The following UBE2Q2 variants were observed in gnomAD, a reference collection of about 807,000 sequenced individuals.
UBE2Q2 encodes ubiquitin-conjugating enzyme E2 Q2.
In UBE2Q2, 54 loss-of-function variants were observed where a neutral mutation model predicts 59.9. That is an observed-to-expected ratio of 0.90 (90% CI 0.72 to 1.13). UBE2Q2 has a LOEUF of 1.13. Ranked by LOEUF, UBE2Q2 falls within the 50% of genes most tolerant of loss-of-function variation. UBE2Q2 has a pLI of 0.00. For synonymous variants in UBE2Q2, 165 were observed against 155.2 expected, an observed-to-expected ratio of 1.06 and a Z score of -0.47; for missense variants, 433 against 441.9, an observed-to-expected ratio of 0.98 and a Z score of 0.18.
At chr15:75,859,815 CAT>C in intron 2 of UBE2Q2, 61 bp from the exon 3 acceptor site, 2 of 1,195,046 alleles carry the variant, frequency 1.7e-6, no homozygotes, top group South Asian at 3.2e-5. Flanking sequence ...GTAGTCATAA[CAT>C]TATTGATGTC....
At chr15:75,854,163 A>G (rs1412361593) in intron 1 of UBE2Q2, among the ~76,000 whole-genome samples, 1 of 152,200 alleles carries the variant, frequency 6.6e-6, no homozygotes, top group Non-Finnish European at 1.5e-5. Context: ...CCAGTGTTGA[A>G]GAAAATCATT....
At position 75,849,776 on chromosome 15, in the gene UBE2Q2, T is replaced by G. The variant is rs562110380; in HGVS notation, c.181-4610T>G. Among the ~76,000 whole-genome samples the G allele has an allele frequency of 3.9e-5, 6 of 152,338 alleles. No homozygotes were observed. The East Asian group carries it at 9.6e-4, about 24-fold the overall frequency. ...CAAAGGACCTGAGTAATTAGATGCT[T>G]AGATAATTGTTCTGTGTTTTCATAA... On this transcript the variant is annotated intron_variant, in intron 1 of 12. Coordinates refer to ENST00000267938, the MANE Select transcript of UBE2Q2 (RefSeq NM_173469.4).
At chr15:75,868,182 C>T (rs1236844019) in intron 3 of UBE2Q2, among the ~76,000 whole-genome samples, 2 of 152,086 alleles carry the variant, frequency 1.3e-5, no homozygotes. Context: ...ATCCTGGTTT[C>T]GTGATCTTTT....
intron 3 of UBE2Q2, among the ~76,000 whole-genome samples, 168 bp downstream of exon 3, chr15:75,860,150 T>C (rs1897137608): frequency 6.6e-6 from 1 of 152,262 alleles, no homozygotes; most frequent in South Asian, 2.1e-4. Flanking sequence ...AAATAAACTT[T>C]TCATTCTTTG....
intron 3 of UBE2Q2, among the ~76,000 whole-genome samples, chr15:75,863,972 T>A (rs922726050): frequency 4.6e-5 from 7 of 152,102 alleles, no homozygotes; most frequent in Admixed American, 3.9e-4. Flanking sequence ...CATCTGCAGC[T>A]TGTGTTTTTC....
intron 5 of UBE2Q2, among the ~76,000 whole-genome samples, chr15:75,875,604 A>G (rs1898032831): frequency 6.6e-6 from 1 of 152,060 alleles, no homozygotes; most frequent in Non-Finnish European, 1.5e-5. Context: ...TTTGGAATAG[A>G]CTCATACTGA....
chr15:75,850,033 TATTA>T (rs1896551579), intron 1 of UBE2Q2, among the ~76,000 whole-genome samples: 1 of 152,200 alleles, frequency 6.6e-6, no homozygotes, highest in African/African-American at 2.4e-5. Context: ...AGATTGAAAA[TATTA>T]ATACATAGGT....
chr15:75,895,995 A>G (rs1899400796), intron 11 of UBE2Q2, among the ~76,000 whole-genome samples: 1 of 152,224 alleles, frequency 6.6e-6, no homozygotes, highest in Non-Finnish European at 1.5e-5. Flanking sequence ...ATATTTGAAT[A>G]TCCATATAAT....
At chr15:75,846,926 G>C (rs1896382622) in intron 1 of UBE2Q2, among the ~76,000 whole-genome samples, 1 of 152,110 alleles carries the variant, frequency 6.6e-6, no homozygotes. Flanking sequence ...TCTCCCTGTA[G>C]AATGTGCCCC....
intron 3 of UBE2Q2, among the ~76,000 whole-genome samples, chr15:75,864,403 G>C (rs139861338): frequency 2.0e-5 from 3 of 152,022 alleles, no homozygotes; most frequent in African/African-American, 7.2e-5. Flanking sequence ...TTAGGTAGAG[G>C]GGATGTCACT....
In UBE2Q2 at chr15:75,843,522, G is replaced by A. The variant is rs893952890; in HGVS notation, c.-145G>A. 9.2e-6 allele frequency: 4 copies of A among 433,230 alleles called. No individual in the cohort carries two copies. The highest frequency in any genetic ancestry group is 2.1e-5 in the African/African-American group (1 of 47,174). The allele number at this position is 433,230 out of a possible 1,614,324, so 26.8% of individuals were successfully genotyped here. On this transcript the variant is annotated 5_prime_UTR_variant, in exon 1 of 13. Coordinates refer to ENST00000267938, the MANE Select transcript of UBE2Q2 (RefSeq NM_173469.4). ...CTTCCGCGCCCCTCGCCATTTTCCA[G>A]CAGCGCTCGACGAGGCGGAGCCGCG...
At chr15:75,891,583 CA>C (rs1899110044) in intron 11 of UBE2Q2, among the ~76,000 whole-genome samples, 1 of 151,542 alleles carries the variant, frequency 6.6e-6, no homozygotes, top group Non-Finnish European at 1.5e-5. Context: ...GTAACTGAAG[CA>C]TACAGAAGTT....
chr15:75,864,607 T>TAAAAA (rs34148087), intron 3 of UBE2Q2, among the ~76,000 whole-genome samples: 2 of 134,660 alleles, frequency 1.5e-5, no homozygotes, highest in Non-Finnish European at 3.2e-5. Flanking sequence ...CTGTAGATTC[T>TAAAAA]AAAAAAAAAA....
intron 9 of UBE2Q2, among the ~76,000 whole-genome samples, chr15:75,883,757 A>G (rs1898591626): frequency 6.6e-6 from 1 of 152,120 alleles, no homozygotes. Context: ...TCTGGGGCCC[A>G]CACCTAGAAC....
chr15:75,865,514 G>A lies in UBE2Q2; in HGVS notation c.388-3437G>A, dbSNP rs182914641. On this transcript the variant is annotated intron_variant, in intron 3 of 12. Coordinates refer to ENST00000267938, the MANE Select transcript of UBE2Q2 (RefSeq NM_173469.4). ...TGTATTTCATGGTACCCCTGTGCCA[G>A]CATTTCTCTGGGGCACATACTTAGG... is the stretch of plus-strand genomic sequence containing the variant. Among the ~76,000 whole-genome samples, 185 of 152,176 alleles carry A rather than the reference G, an allele frequency of 1.2e-3. 1 individual carries two copies. The highest frequency in any genetic ancestry group is 4.2e-3 in the African/African-American group (173 of 41,514).
chr15:75,879,613 C>G (rs1475507179), intron 8 of UBE2Q2, among the ~76,000 whole-genome samples: 2 of 152,118 alleles, frequency 1.3e-5, no homozygotes, highest in Non-Finnish European at 2.9e-5. Flanking sequence ...GCAATATCAC[C>G]TGCAGTGTAG....
chr15:75,872,715 A>G (rs990868115), intron 4 of UBE2Q2, among the ~76,000 whole-genome samples: 2 of 151,954 alleles, frequency 1.3e-5, no homozygotes, highest in African/African-American at 4.8e-5. Flanking sequence ...ATAAACGTCA[A>G]TAGATGCTTA....
At chr15:75,869,031 A>G in intron 4 of UBE2Q2, 21 bp downstream of exon 4, 10 of 1,592,826 alleles carry the variant, frequency 6.3e-6, no homozygotes, top group Non-Finnish European at 7.7e-6. Flanking sequence ...TATATAAAAG[A>G]AGAGTTCATA....
At chr15:75,846,512 C>A (rs1475880620) in intron 1 of UBE2Q2, among the ~76,000 whole-genome samples, 1 of 152,148 alleles carries the variant, frequency 6.6e-6, no homozygotes, top group Non-Finnish European at 1.5e-5. Context: ...GCCACCGTTC[C>A]TGGCCGTAAA....
Sources: allele counts gnomAD v4.1 joint callset (sites outside exome capture counted in the v4.1 genomes callset), GRCh38; gene constraint gnomAD v4.1.1; transcripts MANE v1.5; gene names NCBI Gene and HGNC (gene_info 2026-07-23, HGNC 2026-07-21).